Variants in SYT14 observed in about 807,000 individuals in gnomAD.
SYT14 encodes synaptotagmin 14.
In SYT14, 32 loss-of-function variants were observed where a neutral mutation model predicts 74.2. The ratio of observed to expected loss-of-function variants is 0.43; its 90% confidence interval spans 0.33 to 0.58. SYT14 has a LOEUF of 0.58. SYT14 is among the 20% of genes least tolerant of loss of function. The pLI, the probability that SYT14 is intolerant of heterozygous loss-of-function variation, is 0.05. For missense variants in SYT14, 791 were observed against 981.8 expected, an observed-to-expected ratio of 0.81 and a Z score of 2.60; for synonymous variants, 298 against 337.7, an observed-to-expected ratio of 0.88 and a Z score of 1.29.
intron 7 of SYT14, among the ~76,000 whole-genome samples, chr1:210,115,098 T>C (rs1367435349): frequency 6.6e-6 from 1 of 151,276 alleles, no homozygotes; most frequent in African/African-American, 2.5e-5. Flanking sequence ...AAGAATTATC[T>C]AGATCTTGTA....
intron 5 of SYT14, among the ~76,000 whole-genome samples, chr1:210,042,635 G>A (rs2080813110): frequency 6.6e-6 from 1 of 152,130 alleles, no homozygotes; most frequent in African/African-American, 2.4e-5. Context: ...CCCATTGCTT[G>A]TTTTTGTCAG....
At chr1:210,137,479 G>A (rs149796530) in intron 7 of SYT14, among the ~76,000 whole-genome samples, 24 of 152,076 alleles carry the variant, frequency 1.6e-4, no homozygotes, top group African/African-American at 4.6e-4. Flanking sequence ...AAGACCATTC[G>A]AATTAAGAGT....
chr1:210,016,651 T>C (rs191544041), exon 4 of SYT14: 644 of 1,231,910 alleles, frequency 5.2e-4, no homozygotes, highest in Non-Finnish European at 6.2e-4. Flanking sequence ...AAAAGAAATA[T>C]GTTGGTACAG....
At chr1:210,101,757 T>A (rs931961780) in intron 7 of SYT14, among the ~76,000 whole-genome samples, 2 of 152,110 alleles carry the variant, frequency 1.3e-5, no homozygotes, top group African/African-American at 4.8e-5. Flanking sequence ...TTTCTAAACT[T>A]CTTCATTATT....
At chr1:210,052,437 C>T (rs999037102) in intron 5 of SYT14, among the ~76,000 whole-genome samples, 2 of 151,880 alleles carry the variant, frequency 1.3e-5, no homozygotes, top group Non-Finnish European at 2.9e-5. Flanking sequence ...CCGAGGCGGG[C>T]GGATCATCTG....
exon 10 of SYT14, chr1:210,167,312 A>G (rs1233056532): frequency 3.9e-5 from 6 of 152,330 alleles, no homozygotes; most frequent in South Asian, 2.1e-4. Flanking sequence ...GAAATGCAGT[A>G]CTGGATTCTT....
chr1:210,012,147 G>A (rs227220), intron 2 of SYT14, among the ~76,000 whole-genome samples: 134,041 of 152,232 alleles, frequency 0.88, 59,385 homozygotes, highest in African/African-American at 0.97. Context: ...TGCCTGAAGT[G>A]ATTCTTACTA....
chr1:210,117,823 A>G (rs1025429787), intron 7 of SYT14, among the ~76,000 whole-genome samples: 7 of 152,214 alleles, frequency 4.6e-5, no homozygotes, highest in African/African-American at 1.4e-4. Flanking sequence ...TTGAACATGC[A>G]GGAAGACTGA....
At chr1:210,128,554 C>T (rs980561434) in intron 7 of SYT14, among the ~76,000 whole-genome samples, 1 of 152,104 alleles carries the variant, frequency 6.6e-6, no homozygotes, top group African/African-American at 2.4e-5. Flanking sequence ...TTTTATATTA[C>T]ATTAGAAATG....
intron 7 of SYT14, among the ~76,000 whole-genome samples, chr1:210,108,012 C>T (rs750252611): frequency 5.3e-5 from 8 of 152,114 alleles, no homozygotes; most frequent in Non-Finnish European, 1.0e-4. Flanking sequence ...AAATAAGTTC[C>T]TTGCTGGATT....
chr1:210,068,177 CT>C (rs2081330845), intron 5 of SYT14, among the ~76,000 whole-genome samples: 1 of 151,746 alleles, frequency 6.6e-6, no homozygotes, highest in African/African-American at 2.4e-5. Context: ...TTTTCTCTTT[CT>C]AATCTTTGGA....
At chr1:209,988,219 G>A (rs2079604377) in intron 2 of SYT14, among the ~76,000 whole-genome samples, 1 of 152,098 alleles carries the variant, frequency 6.6e-6, no homozygotes, top group African/African-American at 2.4e-5. Context: ...AATATCTGAT[G>A]TGCTGTCAGT....
chr1:209,944,449 G>C (rs1367893186), intron 1 of SYT14, among the ~76,000 whole-genome samples: 3 of 152,160 alleles, frequency 2.0e-5, no homozygotes, highest in African/African-American at 7.2e-5. Context: ...AGGAACTTAT[G>C]TGGATCAAAT....
intron 7 of SYT14, among the ~76,000 whole-genome samples, chr1:210,130,596 C>T (rs1392273691): frequency 2.0e-5 from 3 of 152,138 alleles, no homozygotes; most frequent in Non-Finnish European, 4.4e-5. Flanking sequence ...GCCATTTTTA[C>T]GGTGTATAGT....
chr1:210,163,638 C>G (rs1019503150), exon 10 of SYT14: 22 of 453,532 alleles, frequency 4.9e-5, no homozygotes, highest in African/African-American at 4.4e-4. Flanking sequence ...CTTTCTGCTG[C>G]TGTTCTCCTT....
chr1:210,159,398 T>A, intron 8 of SYT14, 23 bp from the exon 8 acceptor site: 5 of 1,551,026 alleles, frequency 3.2e-6, no homozygotes, highest in Non-Finnish European at 4.4e-6. Flanking sequence ...TTTCTTTTAC[T>A]GCTTTCCACC....
intron 5 of SYT14, among the ~76,000 whole-genome samples, chr1:210,035,767 G>C (rs2080647121): frequency 6.6e-6 from 1 of 151,868 alleles, no homozygotes; most frequent in East Asian, 1.9e-4. Context: ...TCATCTGTAA[G>C]TCTATTTTTG....
intron 7 of SYT14, among the ~76,000 whole-genome samples, chr1:210,119,903 C>G (rs1022454443): frequency 6.6e-6 from 1 of 152,144 alleles, no homozygotes; most frequent in Non-Finnish European, 1.5e-5. Context: ...ATGTGAAAAC[C>G]TTTGAACTAA....
At chr1:210,062,172 A>G (rs952459229) in intron 5 of SYT14, among the ~76,000 whole-genome samples, 1 of 151,894 alleles carries the variant, frequency 6.6e-6, no homozygotes, top group African/African-American at 2.4e-5. Context: ...CAGTTGCATT[A>G]GCCTGCTGGA....
Sources: allele counts gnomAD v4.1 joint callset (sites outside exome capture counted in the v4.1 genomes callset), GRCh38; gene constraint gnomAD v4.1.1; transcripts MANE v1.5; gene names NCBI Gene and HGNC (gene_info 2026-07-23, HGNC 2026-07-21).